RARA: variants seen among roughly 807,000 people sequenced by gnomAD.
RARA encodes retinoic acid receptor alpha.
RARA carries 5 observed loss-of-function variants against 42.8 expected under a neutral mutation model. The observed-to-expected ratio is 0.12, with a 90% CI of 0.06 to 0.25. RARA has a LOEUF of 0.25. RARA is among the 10% of genes least tolerant of loss of function. The pLI, the probability that RARA is intolerant of heterozygous loss-of-function variation, is 1.00. For synonymous variants in RARA, 256 were observed against 259.5 expected, an observed-to-expected ratio of 0.99 and a Z score of 0.13; for missense variants, 402 against 628.7, an observed-to-expected ratio of 0.64 and a Z score of 3.86.
intron 2 of RARA, chr17:40,341,624 G>C: frequency 7.4e-7 from 1 of 1,350,234 alleles, no homozygotes. Context: ...CGGTGGGTGG[G>C]TCACTCGGAG....
intron 2 of RARA, 113 bp from the exon 3 acceptor site, chr17:40,348,203 A>G: frequency 3.1e-6 from 4 of 1,310,436 alleles, no homozygotes; most frequent in Non-Finnish European, 4.1e-6. Context: ...GAATCCTGCC[A>G]GCAGTGGTGA....
intron 1 of RARA, among the ~76,000 whole-genome samples, chr17:40,312,340 C>T (rs949624188): frequency 1.3e-5 from 2 of 152,348 alleles, no homozygotes; most frequent in African/African-American, 4.8e-5. Flanking sequence ...TGGGATGCCC[C>T]CAGGATGGCC....
chr17:40,316,233 G>C (rs961508846), intron 1 of RARA, among the ~76,000 whole-genome samples: 1 of 152,230 alleles, frequency 6.6e-6, no homozygotes, highest in Non-Finnish European at 1.5e-5. Flanking sequence ...GACCCCTGCG[G>C]GGGGTGGGTT....
In RARA at chr17:40,351,502, C is replaced by G. The variant is rs1176839141; in HGVS notation, c.470-408C>G. ...CTGCTCAGAGCCAGTCCCAAGGGAC[C>G]CCCAGGGAGACTGCAGCTGGGAGGG... On this transcript the variant is annotated intron_variant, in intron 4 of 8. Coordinates refer to ENST00000254066, the MANE Select transcript of RARA (RefSeq NM_000964.4). The surrounding 1 kb of genome is among the most constrained non-coding windows in gnomAD (Gnocchi z 4.1). 2 of 474,454 alleles carry G rather than the reference C, an allele frequency of 4.2e-6. No individual in the cohort carries two copies. Among genetic ancestry groups the G allele is most frequent in the Admixed American group, 4.7e-5 (2 of 42,546 alleles). The allele number at this position is 474,454 out of a possible 1,614,324, so 29.4% of individuals were successfully genotyped here.
At chr17:40,331,739 A>G in intron 2 of RARA, among the ~76,000 whole-genome samples, 1 of 152,104 alleles carries the variant, frequency 6.6e-6, no homozygotes, top group East Asian at 1.9e-4. Context: ...TGGGTAAACA[A>G]ACCTCTTGAC....
chr17:40,321,515 T>C (rs1262645213), intron 1 of RARA, among the ~76,000 whole-genome samples: 1 of 152,198 alleles, frequency 6.6e-6, no homozygotes, highest in Non-Finnish European at 1.5e-5. Context: ...ATAGGTGCTA[T>C]GGAACTACAT....
chr17:40,341,247 C>T (rs2034023651), intron 2 of RARA: 3 of 1,170,452 alleles, frequency 2.6e-6, no homozygotes. Flanking sequence ...GGGGCCGGTA[C>T]TGGTTCCCCA....
intron 2 of RARA, among the ~76,000 whole-genome samples, chr17:40,334,187 G>A (rs2033780933): frequency 6.6e-6 from 1 of 152,086 alleles, no homozygotes. Context: ...TTAGAGGTGG[G>A]TGGGGAAGGC....
intron 1 of RARA, among the ~76,000 whole-genome samples, chr17:40,328,312 T>G (rs981688268): frequency 6.6e-6 from 1 of 152,168 alleles, no homozygotes; most frequent in Admixed American, 6.5e-5. Context: ...TAGTGTAGCC[T>G]GAGCTTGGGG....
chr17:40,316,359 C>T (rs1420724743), intron 1 of RARA, among the ~76,000 whole-genome samples: 1 of 152,186 alleles, frequency 6.6e-6, no homozygotes, highest in Non-Finnish European at 1.5e-5. Context: ...TTTGGATGTA[C>T]TTGTTCATGC....
chr17:40,317,579 A>C (rs1480401884), intron 1 of RARA, among the ~76,000 whole-genome samples: 3 of 141,896 alleles, frequency 2.1e-5, no homozygotes, highest in Non-Finnish European at 3.1e-5. Flanking sequence ...TTTGAGGAGA[A>C]GAGTACTTTA....
chr17:40,311,487 C>G (rs1196319686), intron 1 of RARA, among the ~76,000 whole-genome samples: 1 of 152,152 alleles, frequency 6.6e-6, no homozygotes, highest in Non-Finnish European at 1.5e-5. Context: ...ATGAGCCAGG[C>G]TGACCCCCGC....
intron 2 of RARA, among the ~76,000 whole-genome samples, chr17:40,335,141 T>TC (rs1469006091): frequency 2.0e-5 from 3 of 151,948 alleles, no homozygotes; most frequent in African/African-American, 7.3e-5. Flanking sequence ...GTTAGAGAGC[T>TC]GAGTGTGTTT....
At chr17:40,325,955 C>T (rs56124263) in intron 1 of RARA, among the ~76,000 whole-genome samples, 6,753 of 152,258 alleles carry the variant, frequency 0.044, 247 homozygotes, top group Non-Finnish European at 0.068. Context: ...TTTCTCTTCC[C>T]CTTCTCCCCT....
At chr17:40,311,709 A>C (rs954543096) in intron 1 of RARA, among the ~76,000 whole-genome samples, 2 of 152,116 alleles carry the variant, frequency 1.3e-5, no homozygotes, top group African/African-American at 4.8e-5. Context: ...CCTGTGGTGC[A>C]GGGCTCCCCT....
At position 40,331,172 on chromosome 17, in the gene RARA, G is replaced by A; in HGVS notation, c.-47G>A. On this transcript the variant is annotated 5_prime_UTR_variant, in exon 2 of 9. Coordinates refer to ENST00000254066, the MANE Select transcript of RARA (RefSeq NM_000964.4). ...GAGGGGTGGTCTGAAGCCCACCAGA[G>A]CCCCCTGCCAGACTGTCTGCCTCCC... The A allele has an allele frequency of 6.5e-7, 1 of 1,542,396 alleles. No individual in the cohort carries two copies. The highest frequency in any genetic ancestry group is 8.7e-7 in the Non-Finnish European group (1 of 1,144,474).
chr17:40,339,449 C>T (rs1489666959), intron 2 of RARA, among the ~76,000 whole-genome samples: 4 of 152,174 alleles, frequency 2.6e-5, no homozygotes, highest in East Asian at 3.9e-4. Flanking sequence ...GCCCCAGCTG[C>T]GGGCCAGAGC....
intron 2 of RARA, among the ~76,000 whole-genome samples, chr17:40,333,482 G>A (rs1338878607): frequency 6.6e-6 from 1 of 151,816 alleles, no homozygotes; most frequent in South Asian, 2.1e-4. Flanking sequence ...ACAGGTGCGT[G>A]TCACCACACC....
chr17:40,311,827 C>A (rs919893642), intron 1 of RARA, among the ~76,000 whole-genome samples: 1 of 152,114 alleles, frequency 6.6e-6, no homozygotes, highest in Admixed American at 6.5e-5. Flanking sequence ...GGGGTGGGGG[C>A]ACAGTAGCCT....
Sources: gnomAD v4.1 joint callset for allele counts (sites outside exome capture counted in the v4.1 genomes callset) on GRCh38, gnomAD v4.1.1 for gene constraint, Gnocchi (gnomAD v3.1) non-coding constraint, MANE v1.5 for transcripts, NCBI Gene and HGNC (gene_info 2026-07-23, HGNC 2026-07-21) for gene names.